Variants in SNX24 observed in about 807,000 individuals in gnomAD.
The protein encoded by SNX24 is sorting nexin 24, also known as sorting nexin-24.
In SNX24, 22 loss-of-function variants were observed where a neutral mutation model predicts 28.7. The observed-to-expected ratio is 0.77, with a 90% CI of 0.55 to 1.10. The LOEUF is 1.10. Among genes scored for constraint, SNX24 ranks in the 50% least tolerant of loss-of-function variants. SNX24 has a pLI of 0.00. For synonymous variants in SNX24, 69 were observed against 71.5 expected (o/e 0.96, Z 0.18); for missense variants, 221 against 201.1 (o/e 1.10, Z -0.60).
At chr5:122,874,782 C>T (rs79395876) in intron 1 of SNX24, among the ~76,000 whole-genome samples, 5,377 of 152,256 alleles carry the variant, frequency 0.035, 145 homozygotes, top group East Asian at 0.099. Context: ...GGCCCTACCA[C>T]GGGCTAACCA....
intron 1 of SNX24, among the ~76,000 whole-genome samples, chr5:122,929,703 T>C (rs1758864211): frequency 6.6e-6 from 1 of 152,086 alleles, no homozygotes; most frequent in Admixed American, 6.5e-5. Flanking sequence ...CCTTATAAAT[T>C]ATAATAGGTA....
intron 1 of SNX24, among the ~76,000 whole-genome samples, chr5:122,866,068 T>C (rs1755706109): frequency 6.6e-6 from 1 of 152,254 alleles, no homozygotes; most frequent in African/African-American, 2.4e-5. Context: ...TACATATTTT[T>C]GTAACAAAAT....
At chr5:122,885,484 C>A (rs1438468645) in intron 1 of SNX24, among the ~76,000 whole-genome samples, 1 of 152,184 alleles carries the variant, frequency 6.6e-6, no homozygotes, top group African/African-American at 2.4e-5. Flanking sequence ...TGGCTTCCTC[C>A]TTTCCCCCCT....
chr5:122,943,886 C>T (rs375041766), intron 2 of SNX24, among the ~76,000 whole-genome samples: 13 of 152,282 alleles, frequency 8.5e-5, no homozygotes, highest in African/African-American at 3.1e-4. Flanking sequence ...CTCCTAATGT[C>T]ATCTCCTCTA....
intron 1 of SNX24, among the ~76,000 whole-genome samples, chr5:122,881,581 C>T (rs1032201437): frequency 6.6e-6 from 1 of 152,140 alleles, no homozygotes; most frequent in Non-Finnish European, 1.5e-5. Flanking sequence ...GATATTCTGT[C>T]TTTCTGACTT....
chr5:122,973,425 T>C (rs140917580), intron 3 of SNX24, among the ~76,000 whole-genome samples: 1,956 of 152,300 alleles, frequency 0.013, 21 homozygotes, highest in Non-Finnish European at 0.021. Context: ...CACTTTCAGG[T>C]GGTGCCTGCA....
intron 3 of SNX24, among the ~76,000 whole-genome samples, chr5:122,992,347 A>T (rs1287150171): frequency 6.6e-6 from 1 of 152,134 alleles, no homozygotes; most frequent in African/African-American, 2.4e-5. Context: ...CCCACATAAG[A>T]TCACTCAATG....
At chr5:123,021,682 G>A (rs898353523) in intron 5 of SNX24, among the ~76,000 whole-genome samples, 1 of 152,024 alleles carries the variant, frequency 6.6e-6, no homozygotes, top group African/African-American at 2.4e-5. Flanking sequence ...ATGCCCCTCC[G>A]CAACTTCAAA....
intron 1 of SNX24, among the ~76,000 whole-genome samples, chr5:122,893,584 A>G (rs1175148553): frequency 6.6e-6 from 1 of 152,240 alleles, no homozygotes. Context: ...TTAAATTATG[A>G]CATTTCATTT....
intron 2 of SNX24, among the ~76,000 whole-genome samples, chr5:122,944,584 C>T (rs1759599783): frequency 6.6e-6 from 1 of 152,138 alleles, no homozygotes; most frequent in South Asian, 2.1e-4. Flanking sequence ...TTGGACCCTC[C>T]CTTCATAAAA....
At position 122,965,163 on chromosome 5, in the gene SNX24, TTAG is replaced by T. The variant is rs1360010039; in HGVS notation, c.249+19006_249+19008del. On this transcript the variant is annotated intron_variant, in intron 3 of 6. Coordinates refer to ENST00000261369, the MANE Select transcript of SNX24 (RefSeq NM_014035.4). ...TCTCTTGCTAATTCTTTCCAATTAC[TTAG>T]TTCATATAAATTCCCAAGCCTGGTT... is the stretch of plus-strand genomic sequence containing the variant. 3.3e-5 allele frequency among the ~76,000 whole-genome samples: 5 copies of T among 152,262 alleles called. No homozygotes were observed. The East Asian group carries it at 7.7e-4, about 23-fold the overall frequency.
intron 1 of SNX24, among the ~76,000 whole-genome samples, chr5:122,901,290 T>G (rs1581724268): frequency 6.6e-6 from 1 of 152,318 alleles, no homozygotes; most frequent in African/African-American, 2.4e-5. Context: ...GAAATATAGC[T>G]TGTTTTCTTT....
At position 122,968,067 on chromosome 5, in the gene SNX24, G is replaced by A. The variant is rs141360140; in HGVS notation, c.249+21908G>A. On this transcript the variant is annotated intron_variant, in intron 3 of 6. Transcript: ENST00000261369. ...ATGGGATGTTGTTGCCAGAATGAATGTGTGTAACCTATAAAATTCTCTCTA... is the reference window on the plus strand; with the variant it reads ...ATGGGATGTTGTTGCCAGAATGAATATGTGTAACCTATAAAATTCTCTCTA... 2.6e-3 allele frequency among the ~76,000 whole-genome samples: 401 copies of A among 152,338 alleles called. 4 individuals are homozygous for A. The highest frequency in any genetic ancestry group is 0.024 in the Admixed American group (373 of 15,300).
At chr5:122,920,352 GA>G (rs1296003663) in intron 1 of SNX24, among the ~76,000 whole-genome samples, 1 of 152,188 alleles carries the variant, frequency 6.6e-6, no homozygotes, top group African/African-American at 2.4e-5. Context: ...CTTGAGAAGT[GA>G]ATTTGCTGTT....
At chr5:122,862,156 G>T (rs934184089) in intron 1 of SNX24, among the ~76,000 whole-genome samples, 1 of 152,116 alleles carries the variant, frequency 6.6e-6, no homozygotes, top group African/African-American at 2.4e-5. Context: ...TGGTAAGGAG[G>T]GACACGTACT....
chr5:122,953,700 C>G (rs1237901303), intron 3 of SNX24, among the ~76,000 whole-genome samples: 1 of 152,076 alleles, frequency 6.6e-6, no homozygotes, highest in East Asian at 1.9e-4. Flanking sequence ...GTTACTTGTT[C>G]CATTTATTAC....
intron 3 of SNX24, among the ~76,000 whole-genome samples, chr5:122,959,286 CTT>C (rs201505063): frequency 1.5e-5 from 2 of 137,428 alleles, no homozygotes. Flanking sequence ...TACGATTTTT[CTT>C]TTTTTTTTTT....
chr5:122,848,332 G>A (rs893553996), intron 1 of SNX24, among the ~76,000 whole-genome samples: 1 of 152,104 alleles, frequency 6.6e-6, no homozygotes, highest in African/African-American at 2.4e-5. Flanking sequence ...CTAGGTTTAA[G>A]GGATCCTCCC....
chr5:122,958,921 A>C (rs576344595), intron 3 of SNX24, among the ~76,000 whole-genome samples: 1 of 152,124 alleles, frequency 6.6e-6, no homozygotes, highest in East Asian at 1.9e-4. Flanking sequence ...AGACTTTTGC[A>C]TCAGTGCTCG....
Sources: allele counts gnomAD v4.1 joint callset (sites outside exome capture counted in the v4.1 genomes callset), GRCh38; gene constraint gnomAD v4.1.1; transcripts MANE v1.5; gene names NCBI Gene and HGNC (gene_info 2026-07-23, HGNC 2026-07-21).